Variants in AUTS2 observed in about 807,000 individuals in gnomAD.
AUTS2 encodes autism susceptibility gene 2 protein.
In AUTS2, 17 loss-of-function variants were observed where a neutral mutation model predicts 112.4. The ratio of observed to expected loss-of-function variants is 0.15; its 90% CI spans 0.10 to 0.23. AUTS2 has a LOEUF of 0.23. Ranked by LOEUF, AUTS2 falls within the 10% of genes least tolerant of loss-of-function variation. The probability of loss-of-function intolerance (pLI) is 1.00; values close to 1 mark genes in which losing one functional copy is unlikely to be tolerated. For missense variants in AUTS2, 1,510 were observed against 1,701.6 expected, an observed-to-expected ratio of 0.89 and a Z score of 1.98; for synonymous variants, 751 against 702.7, an observed-to-expected ratio of 1.07 and a Z score of -1.09.
chr7:70,698,663 T>C, intron 6 of AUTS2, 43 bp downstream of exon 6: 2 of 1,421,268 alleles, frequency 1.4e-6, no homozygotes, highest in South Asian at 2.5e-5. Context: ...TATTTTTATG[T>C]TAGTTTCATT....
At chr7:69,726,138 A>G (rs1786501743) in intron 1 of AUTS2, among the ~76,000 whole-genome samples, 1 of 152,212 alleles carries the variant, frequency 6.6e-6, no homozygotes, top group African/African-American at 2.4e-5. Context: ...ACACTTACCC[A>G]TCAAGTTATA....
chr7:70,069,565 A>G (rs1027833066), intron 2 of AUTS2, among the ~76,000 whole-genome samples: 18 of 152,358 alleles, frequency 1.2e-4, no homozygotes, highest in Non-Finnish European at 2.2e-4. Context: ...TATAGTAAGC[A>G]GATGACACTG....
chr7:70,216,713 A>G (rs750260836), intron 4 of AUTS2, among the ~76,000 whole-genome samples: 12 of 152,214 alleles, frequency 7.9e-5, no homozygotes, highest in Non-Finnish European at 1.3e-4. Context: ...GAGTCCTCCC[A>G]GTGGCATTTG....
chr7:69,953,528 A>G (rs1440347352), intron 2 of AUTS2, among the ~76,000 whole-genome samples: 1 of 152,144 alleles, frequency 6.6e-6, no homozygotes, highest in Non-Finnish European at 1.5e-5. Context: ...TTTCATTCTG[A>G]TGGTTGAGTA....
At chr7:70,420,976 C>G (rs1332044378) in intron 4 of AUTS2, among the ~76,000 whole-genome samples, 3 of 152,166 alleles carry the variant, frequency 2.0e-5, no homozygotes, top group Non-Finnish European at 4.4e-5. Context: ...CATAAAGAGA[C>G]AATCCATGGC....
At chr7:70,409,230 C>T (rs894864250) in intron 4 of AUTS2, among the ~76,000 whole-genome samples, 5 of 152,120 alleles carry the variant, frequency 3.3e-5, no homozygotes, top group African/African-American at 1.2e-4. Flanking sequence ...TTATAAATCT[C>T]CAGCAAGACT....
At position 70,105,497 on chromosome 7, in the gene AUTS2, A is replaced by G. The variant is rs79340630; in HGVS notation, c.523-12635A>G. On this transcript the variant is annotated intron_variant, in intron 2 of 18. Coordinates refer to ENST00000342771, the MANE Select transcript of AUTS2 (RefSeq NM_015570.4). ...TGATCTTGAACTTGTCCCTCAAGTGATCTTCCAGCTTCAGCGTCCCAAAGT... is the reference window on the plus strand; with the variant it reads ...TGATCTTGAACTTGTCCCTCAAGTGGTCTTCCAGCTTCAGCGTCCCAAAGT... Among the ~76,000 whole-genome samples, 452 of 152,176 alleles carry G rather than the reference A, an allele frequency of 3.0e-3. 3 individuals are homozygous for G. The highest frequency in any genetic ancestry group is 0.01 in the African/African-American group (429 of 41,520).
chr7:70,741,108 A>G (rs1002306889), intron 6 of AUTS2, among the ~76,000 whole-genome samples: 9 of 148,556 alleles, frequency 6.1e-5, no homozygotes, highest in Non-Finnish European at 5.9e-5. Flanking sequence ...ATTAAAAAAA[A>G]TAAAAAAAAA....
At chr7:70,272,914 A>G (rs1787760227) in intron 4 of AUTS2, among the ~76,000 whole-genome samples, 1 of 152,180 alleles carries the variant, frequency 6.6e-6, no homozygotes, top group African/African-American at 2.4e-5. Context: ...GCTTGAGCCT[A>G]GGAGTTCAAG....
chr7:70,659,252 C>T (rs929216163), intron 5 of AUTS2, among the ~76,000 whole-genome samples: 38 of 152,220 alleles, frequency 2.5e-4, no homozygotes, highest in Admixed American at 6.5e-4. Flanking sequence ...CCACGACTGG[C>T]GGTCCTCAGC....
At chr7:70,407,348 A>C (rs1794580766) in intron 4 of AUTS2, among the ~76,000 whole-genome samples, 1 of 152,122 alleles carries the variant, frequency 6.6e-6, no homozygotes, top group Non-Finnish European at 1.5e-5. Context: ...TCTTTTTTGC[A>C]GCTGTCTTTG....
chr7:69,741,328 G>A (rs905601251), intron 1 of AUTS2, among the ~76,000 whole-genome samples: 31 of 152,090 alleles, frequency 2.0e-4, no homozygotes, highest in East Asian at 1.9e-4. Flanking sequence ...ACCCCACCTC[G>A]AACCCCGATT....
Position 70,581,386 on chromosome 7 carries a change from C to CAATA in AUTS2, c.691-117163_691-117160dup, listed in dbSNP as rs536831844. Reference sequence around the variant, plus strand: ...GGGCAAGAAGAGCGAAACTCCGTCTCAATAAATAAATAAATAAATAAATTA... The same window carrying CAATA: ...GGGCAAGAAGAGCGAAACTCCGTCTCAATAAATAAATAAATAAATAAATAAATTA... On this transcript the variant is annotated intron_variant, in intron 5 of 18. Coordinates refer to ENST00000342771, the MANE Select transcript of AUTS2 (RefSeq NM_015570.4). 4.5e-4 allele frequency among the ~76,000 whole-genome samples: 69 copies of CAATA among 151,998 alleles called. 1 individual carries two copies. Among genetic ancestry groups the CAATA allele is most frequent in the Admixed American group, 2.0e-3 (31 of 15,270 alleles).
intron 1 of AUTS2, among the ~76,000 whole-genome samples, chr7:69,852,944 C>T (rs1302378807): frequency 2.6e-5 from 4 of 151,922 alleles, no homozygotes; most frequent in Admixed American, 6.6e-5. Flanking sequence ...TTTAGATTTT[C>T]CTGTTATCTT....
chr7:70,765,676 A>G (rs998084381), intron 8 of AUTS2, among the ~76,000 whole-genome samples: 1 of 152,194 alleles, frequency 6.6e-6, no homozygotes, highest in Admixed American at 6.5e-5. Context: ...TTAGTGTGCT[A>G]TCACTGTTCC....
At chr7:69,985,185 C>G (rs1022898830) in intron 2 of AUTS2, among the ~76,000 whole-genome samples, 6 of 140,966 alleles carry the variant, frequency 4.3e-5, no homozygotes, top group African/African-American at 8.1e-5. Flanking sequence ...GAGCTATGGT[C>G]ATGCCACTGC....
At position 70,566,834 on chromosome 7, in the gene AUTS2, G is replaced by A. The variant is rs142861626; in HGVS notation, c.690+131053G>A. ...CCACTGGCATTAAGGCTGTCATCTT[G>A]GTATTGCATTTCTGGTACGAATTTC... On this transcript the variant is annotated intron_variant, in intron 5 of 18. Coordinates refer to ENST00000342771, the MANE Select transcript of AUTS2 (RefSeq NM_015570.4). Among the ~76,000 whole-genome samples the A allele has an allele frequency of 9.8e-5, 15 of 152,296 alleles. No individual in the cohort carries two copies. In the East Asian group the frequency reaches 2.9e-3, roughly 29 times the overall value.
intron 4 of AUTS2, among the ~76,000 whole-genome samples, chr7:70,246,513 T>A (rs934222745): frequency 4.6e-5 from 7 of 152,160 alleles, no homozygotes; most frequent in Admixed American, 3.3e-4. Flanking sequence ...CCTCCAAATT[T>A]GCCTAGGTTT....
intron 1 of AUTS2, among the ~76,000 whole-genome samples, chr7:69,629,033 A>G (rs1244734979): frequency 6.6e-6 from 1 of 152,200 alleles, no homozygotes; most frequent in Non-Finnish European, 1.5e-5. Context: ...GTCAGCTGCT[A>G]CGTGCATTTT....
Sources: gnomAD v4.1 joint callset for allele counts (sites outside exome capture counted in the v4.1 genomes callset) on GRCh38, gnomAD v4.1.1 for gene constraint, MANE v1.5 for transcripts, NCBI Gene and HGNC (gene_info 2026-07-23, HGNC 2026-07-21) for gene names.